The following CMSS1 variants were observed in gnomAD, a reference collection of about 807,000 sequenced individuals.
CMSS1 encodes cms1 ribosomal small subunit homolog, also known as protein CMSS1.
Under a neutral mutation model 43.5 loss-of-function variants are expected in CMSS1, and 33 were observed. The observed-to-expected ratio is 0.76, with a 90% CI of 0.57 to 1.01. The LOEUF (loss-of-function observed/expected upper bound fraction) is 1.01, where lower values mean the gene tolerates loss of function less well. CMSS1 is among the 50% of genes least tolerant of loss of function. The pLI is 0.00. For synonymous variants in CMSS1, 115 were observed against 117.2 expected (o/e 0.98, Z 0.12); for missense variants, 313 against 326.4 (o/e 0.96, Z 0.32).
intron 1 of CMSS1, among the ~76,000 whole-genome samples, chr3:100,101,651 G>T (rs980475137): frequency 2.0e-5 from 3 of 152,048 alleles, no homozygotes; most frequent in Non-Finnish European, 2.9e-5. Context: ...TTAAGTTTTA[G>T]GGTACATGTG....
chr3:99,954,256 G>A (rs188037881), intron 1 of CMSS1, among the ~76,000 whole-genome samples: 8 of 152,310 alleles, frequency 5.3e-5, no homozygotes, highest in African/African-American at 1.9e-4. Context: ...TTGAGCCCAG[G>A]TCATCTAATT....
rs1481204902 is a variant in CMSS1, at chr3:100,172,401, A to G, written c.665A>G (p.Gln222Arg). 1 of 1,612,332 alleles carries G rather than the reference A, an allele frequency of 6.2e-7. No homozygotes were observed. Among genetic ancestry groups the G allele is most frequent in the Admixed American group, 1.7e-5 (1 of 59,918 alleles). The change falls in exon 8 of 10, where the codon CAA becomes CGA. Residue 222 changes from glutamine to arginine, a missense_variant and splice_region_variant. Transcript: ENST00000421999. ...GGGAGAATTAAAGAACTTGTTAAAC[A>G]AGGTATGACAAGAGGGCAGTGATAC... ...TPGRIKELVK[Q>R]GGLNLSPLKF...
chr3:99,958,228 A>ATTG (rs1438823613), intron 1 of CMSS1, among the ~76,000 whole-genome samples: 1 of 146,462 alleles, frequency 6.8e-6, no homozygotes, highest in East Asian at 2.0e-4. Context: ...TATTATTATT[A>ATTG]TTATTATTAT....
At chr3:100,092,698 G>A (rs564137812) in intron 1 of CMSS1, among the ~76,000 whole-genome samples, 34 of 147,690 alleles carry the variant, frequency 2.3e-4, no homozygotes, top group African/African-American at 7.0e-4. Context: ...TATTATTTTA[G>A]GTTCTCCCTT....
intron 1 of CMSS1, among the ~76,000 whole-genome samples, chr3:100,020,831 G>A (rs2064801540): frequency 2.4e-5 from 3 of 125,484 alleles, no homozygotes; most frequent in Non-Finnish European, 4.7e-5. Flanking sequence ...ACAGTGGCAC[G>A]ATCTCAGCTC....
At chr3:99,990,678 G>A (rs939927206) in intron 1 of CMSS1, among the ~76,000 whole-genome samples, 3 of 151,550 alleles carry the variant, frequency 2.0e-5, no homozygotes, top group Non-Finnish European at 4.4e-5. Flanking sequence ...AAAGCCTCCT[G>A]GTATAATTCT....
chr3:99,869,286 G>A (rs1944670229), intron 1 of CMSS1, among the ~76,000 whole-genome samples: 1 of 152,290 alleles, frequency 6.6e-6, no homozygotes, highest in East Asian at 1.9e-4. Flanking sequence ...TCAGCCTAAT[G>A]AATTTTATTG....
At chr3:100,031,050 C>T (rs1290560072) in intron 1 of CMSS1, among the ~76,000 whole-genome samples, 2 of 152,136 alleles carry the variant, frequency 1.3e-5, no homozygotes. Context: ...ATAAAATGAT[C>T]TTTGCCCATT....
chr3:99,956,387 C>G (rs953654058), intron 1 of CMSS1, among the ~76,000 whole-genome samples: 1 of 152,186 alleles, frequency 6.6e-6, no homozygotes, highest in Non-Finnish European at 1.5e-5. Context: ...GACTTTTGCT[C>G]TGTCACCTAG....
intron 1 of CMSS1, chr3:99,850,554 C>CTCT (rs2107527750): frequency 6.2e-7 from 1 of 1,613,792 alleles, no homozygotes; most frequent in East Asian, 2.2e-5. Context: ...GTTTCCTGAG[C>CTCT]TCTTCCACTT....
chr3:100,154,291 A>G (rs2066950679), intron 2 of CMSS1, among the ~76,000 whole-genome samples: 1 of 152,090 alleles, frequency 6.6e-6, no homozygotes, highest in Non-Finnish European at 1.5e-5. Context: ...TATGGGGTAC[A>G]TAGTGATGTT....
At chr3:99,954,834 A>G (rs1708274329) in intron 1 of CMSS1, among the ~76,000 whole-genome samples, 1 of 151,834 alleles carries the variant, frequency 6.6e-6, no homozygotes, top group Non-Finnish European at 1.5e-5. Context: ...TCAAAAAAAA[A>G]GAAAAAAAAA....
intron 1 of CMSS1, among the ~76,000 whole-genome samples, chr3:100,008,282 A>G (rs953019721): frequency 6.6e-6 from 1 of 152,174 alleles, no homozygotes; most frequent in African/African-American, 2.4e-5. Flanking sequence ...CAGCAATAGC[A>G]TAGACTTGAA....
At chr3:99,903,283 G>A (rs912227688) in intron 1 of CMSS1, among the ~76,000 whole-genome samples, 2 of 150,452 alleles carry the variant, frequency 1.3e-5, no homozygotes, top group African/African-American at 2.4e-5. Flanking sequence ...ACGGAATCTC[G>A]CTCTGTCACC....
chr3:99,915,363 C>T (rs987128350), intron 1 of CMSS1, among the ~76,000 whole-genome samples: 19 of 152,218 alleles, frequency 1.2e-4, no homozygotes, highest in African/African-American at 4.3e-4. Flanking sequence ...CAAAATATAT[C>T]AAAAGTAAGC....
chr3:99,833,403 T>C (rs1359944211), intron 1 of CMSS1: 19 of 680,374 alleles, frequency 2.8e-5, no homozygotes, highest in Non-Finnish European at 4.6e-5. Context: ...TTAGAAGGCA[T>C]TGAGTCATAA....
At chr3:99,982,901 G>A (rs910544292) in intron 1 of CMSS1, among the ~76,000 whole-genome samples, 1 of 152,166 alleles carries the variant, frequency 6.6e-6, no homozygotes, top group Non-Finnish European at 1.5e-5. Context: ...GAAGACAGCT[G>A]TGTTAAACAT....
chr3:100,066,970 G>A (rs2065676120), intron 1 of CMSS1, among the ~76,000 whole-genome samples: 1 of 152,132 alleles, frequency 6.6e-6, no homozygotes, highest in South Asian at 2.1e-4. Flanking sequence ...TTCTTTAGAA[G>A]ACACATAAAA....
intron 1 of CMSS1, among the ~76,000 whole-genome samples, chr3:100,080,304 A>T (rs1208647224): frequency 2.0e-5 from 3 of 150,576 alleles, no homozygotes; most frequent in African/African-American, 7.3e-5. Context: ...TAAAGCTCTC[A>T]TAACCTAGCT....
Sources: allele counts gnomAD v4.1 joint callset (sites outside exome capture counted in the v4.1 genomes callset), GRCh38; gene constraint gnomAD v4.1.1; transcripts MANE v1.5; gene names NCBI Gene and HGNC (gene_info 2026-07-23, HGNC 2026-07-21).